AGBL3: variants seen among roughly 807,000 people sequenced by gnomAD.
AGBL3 encodes the protein AGBL carboxypeptidase 3.
In AGBL3, 68 loss-of-function variants were observed where a neutral mutation model predicts 94.5. That is an observed-to-expected ratio of 0.72 (90% CI 0.59 to 0.88). The LOEUF is 0.88. Among genes scored for constraint, AGBL3 ranks in the 40% least tolerant of loss-of-function variants. The pLI is 0.00. For synonymous variants in AGBL3, 354 were observed against 370.7 expected (o/e 0.95, Z 0.52); for missense variants, 934 against 1,103.8 (o/e 0.85, Z 2.18).
chr7:135,110,087 G>A lies in AGBL3; in HGVS notation c.2111-5293G>A, dbSNP rs76548286. ...CTAGGGCTGCAAAACAGCAAAGATA[G>A]TGGTTCACCCTCCCTCTGGGAGCTC... On this transcript the variant is annotated intron_variant, in intron 15 of 16. Transcript: ENST00000436302. 7.3e-4 allele frequency among the ~76,000 whole-genome samples: 111 copies of A among 151,970 alleles called. 3 individuals carry two copies. The South Asian group carries it at 0.011, about 15-fold the overall frequency.
At chr7:134,993,465 C>T in intron 3 of AGBL3, 28 bp from the exon 4 acceptor site, 1 of 1,506,098 alleles carries the variant, frequency 6.6e-7, no homozygotes, top group African/African-American at 1.4e-5. Context: ...TCTTCCCACT[C>T]ATGATTGTGT....
intron 5 of AGBL3, among the ~76,000 whole-genome samples, chr7:135,020,354 A>G (rs1417476285): frequency 6.6e-6 from 1 of 152,262 alleles, no homozygotes; most frequent in Non-Finnish European, 1.5e-5. Flanking sequence ...CAAAACCACA[A>G]TGAGATACCA....
chr7:135,022,575 G>A lies in AGBL3; in HGVS notation c.418+5416G>A, dbSNP rs554997255. Among the ~76,000 whole-genome samples, 11 of 151,852 alleles carry A rather than the reference G, an allele frequency of 7.2e-5. No individual in the cohort carries two copies. In the South Asian group the frequency reaches 1.9e-3, roughly 26 times the overall value. On this transcript the variant is annotated intron_variant, in intron 5 of 16. Transcript: ENST00000436302. ...CTGGATATTAGACGTTTGTTAGATG[G>A]GTAAATAGCAAAAATTTTCTCCCAT...
intron 8 of AGBL3, 130 bp from the exon 9 acceptor site, chr7:135,043,895 A>G (rs1817108510): frequency 8.4e-7 from 1 of 1,189,068 alleles, no homozygotes. Flanking sequence ...TCAGGAAATA[A>G]AAAGTAGCTC....
At chr7:135,026,623 C>G (rs1008058033) in intron 5 of AGBL3, among the ~76,000 whole-genome samples, 2 of 151,592 alleles carry the variant, frequency 1.3e-5, no homozygotes, top group African/African-American at 4.8e-5. Context: ...GGCATTACAT[C>G]ATGTCTTTAT....
chr7:135,128,725 G>A (rs1466108697), intron 16 of AGBL3: 1 of 1,379,856 alleles, frequency 7.2e-7, no homozygotes, highest in Non-Finnish European at 1.0e-6. Context: ...CAGAAAAAAA[G>A]TGCAGAGAAG....
At chr7:134,994,936 C>T (rs1464332431) in intron 4 of AGBL3, among the ~76,000 whole-genome samples, 4 of 152,038 alleles carry the variant, frequency 2.6e-5, no homozygotes, top group South Asian at 2.1e-4. Context: ...TCTTTTTCTC[C>T]TTTCAGTCCT....
chr7:135,123,921 A>G (rs914619398), intron 16 of AGBL3, among the ~76,000 whole-genome samples: 1 of 152,192 alleles, frequency 6.6e-6, no homozygotes, highest in Non-Finnish European at 1.5e-5. Context: ...AAAAACCAGT[A>G]CCAGCCACTG....
At chr7:135,096,863 A>G (rs1822976498) in intron 15 of AGBL3, among the ~76,000 whole-genome samples, 1 of 152,220 alleles carries the variant, frequency 6.6e-6, no homozygotes, top group African/African-American at 2.4e-5. Flanking sequence ...ACAACTAGGA[A>G]GATACGCAAA....
At chr7:135,022,970 TTATC>T (rs1814675216) in intron 5 of AGBL3, among the ~76,000 whole-genome samples, 1 of 152,338 alleles carries the variant, frequency 6.6e-6, no homozygotes, top group African/African-American at 2.4e-5. Context: ...TTATTCCATT[TTATC>T]TCCACTATTG....
chr7:135,097,215 A>T (rs1823036953), intron 15 of AGBL3, among the ~76,000 whole-genome samples: 1 of 152,166 alleles, frequency 6.6e-6, no homozygotes. Flanking sequence ...TCGGTCAACA[A>T]AGGGAAAATT....
chr7:135,129,512 T>C (rs1828433448), intron 16 of AGBL3: 12 of 772,936 alleles, frequency 1.6e-5, no homozygotes, highest in East Asian at 4.9e-5. Context: ...AGAAATTAGA[T>C]GGATATAACA....
At position 135,034,459 on chromosome 7, in the gene AGBL3, A is replaced by G. The variant is rs1816096937; in HGVS notation, c.868A>G (p.Lys290Glu). The change falls in exon 7 of 17, where the codon AAA becomes GAA. Residue 290 changes from lysine to glutamate, a missense_variant. Lys to Glu is a moderately conservative substitution (Grantham distance 56). Coordinates refer to ENST00000436302, the MANE Select transcript of AGBL3 (RefSeq NM_178563.4). ...LTWTFQFPHN[K>E]DTCYFAHCYP... is the part of the protein sequence containing the mutation. ...ATGGACATTTCAATTTCCACACAACAAAGATACCTGCTACTTTGCTCATTG... is the reference window on the plus strand; with the variant it reads ...ATGGACATTTCAATTTCCACACAACGAAGATACCTGCTACTTTGCTCATTG... The G allele has an allele frequency of 6.4e-7, 1 of 1,551,662 alleles. No individual in the cohort carries two copies. The highest frequency in any genetic ancestry group is 1.4e-5 in the African/African-American group (1 of 73,048).
At chr7:135,031,199 TATC>T (rs1815703740) in intron 5 of AGBL3, among the ~76,000 whole-genome samples, 2 of 152,206 alleles carry the variant, frequency 1.3e-5, no homozygotes, top group African/African-American at 2.4e-5. Flanking sequence ...TTTACGTTTT[TATC>T]ATATGTAGAA....
intron 16 of AGBL3, among the ~76,000 whole-genome samples, chr7:135,118,829 G>T (rs1327817850): frequency 6.6e-6 from 1 of 151,966 alleles, no homozygotes; most frequent in Non-Finnish European, 1.5e-5. Flanking sequence ...AAAATATTAA[G>T]AACCAAATAG....
Position 135,037,412 on chromosome 7 carries a change from T to G in AGBL3, c.1338-6T>G. On this transcript the variant is annotated splice_region_variant and splice_polypyrimidine_tract_variant and intron_variant, in intron 7 of 16. Coordinates refer to ENST00000436302, the MANE Select transcript of AGBL3 (RefSeq NM_178563.4). ...AAAGTTAGTAACTTATCTTTCTTCC[T>G]GGCAGACTGATGGAGAAACGAGAGG... The G allele has an allele frequency of 6.5e-7, 1 of 1,539,666 alleles. No homozygotes were observed. Among genetic ancestry groups the G allele is most frequent in the Non-Finnish European group, 8.7e-7 (1 of 1,142,976 alleles).
chr7:135,133,098 C>CAA (rs747528519), intron 16 of AGBL3, among the ~76,000 whole-genome samples: 41 of 141,358 alleles, frequency 2.9e-4, no homozygotes, highest in African/African-American at 1.0e-3. Flanking sequence ...CACACACACA[C>CAA]AACCTTTAGA....
rs560009834 is a variant in AGBL3 at position 135,077,554 on chromosome 7, G to A, written c.1980+1086G>A. On this transcript the variant is annotated intron_variant, in intron 13 of 16. Coordinates refer to ENST00000436302, the MANE Select transcript of AGBL3 (RefSeq NM_178563.4). ...CCAGAAAAAGAGAAGTTAAGCTTAAGGACAGTCTCAAAAGCAGTGCAATTA... is the reference window on the plus strand; with the variant it reads ...CCAGAAAAAGAGAAGTTAAGCTTAAAGACAGTCTCAAAAGCAGTGCAATTA... Among the ~76,000 whole-genome samples, 3 of 152,126 alleles carry A rather than the reference G, an allele frequency of 2.0e-5. No individual in the cohort carries two copies. The South Asian group carries it at 6.2e-4, about 32-fold the overall frequency.
At chr7:135,072,307 C>A (rs998018037) in intron 12 of AGBL3, among the ~76,000 whole-genome samples, 5 of 152,210 alleles carry the variant, frequency 3.3e-5, no homozygotes, top group Non-Finnish European at 5.9e-5. Flanking sequence ...CACTTTCACA[C>A]TGTTGGTGGG....
Sources: gnomAD v4.1 joint callset for allele counts (sites outside exome capture counted in the v4.1 genomes callset) on GRCh38, gnomAD v4.1.1 for gene constraint, MANE v1.5 for transcripts, NCBI Gene and HGNC (gene_info 2026-07-23, HGNC 2026-07-21) for gene names.